Variants in KIAA1217 observed in about 807,000 individuals in gnomAD.
KIAA1217 encodes sickle tail protein homolog.
A neutral mutation model predicts 163.9 loss-of-function variants in KIAA1217; 88 were observed. That is an observed-to-expected ratio of 0.54 (90% CI 0.45 to 0.64). The LOEUF (loss-of-function observed/expected upper bound fraction) is 0.64, where lower values mean the gene tolerates loss of function less well. Among genes scored for constraint, KIAA1217 ranks in the 30% least tolerant of loss-of-function variants. KIAA1217 has a pLI of 0.00. For synonymous variants in KIAA1217, 903 were observed against 923.1 expected (o/e 0.98, Z 0.39); for missense variants, 2,372 against 2,475.0 (o/e 0.96, Z 0.88).
At chr10:24,457,358 G>A (rs1354487341) in intron 5 of KIAA1217, among the ~76,000 whole-genome samples, 2 of 151,726 alleles carry the variant, frequency 1.3e-5, no homozygotes, top group South Asian at 4.2e-4. Flanking sequence ...GTGTGTGTGT[G>A]TGTGTATGTG....
chr10:24,057,728 A>G (rs1356790588), intron 2 of KIAA1217, among the ~76,000 whole-genome samples: 1 of 152,124 alleles, frequency 6.6e-6, no homozygotes, highest in African/African-American at 2.4e-5. Flanking sequence ...TCAAATTCTT[A>G]GCCCATTTTT....
At chr10:23,918,746 A>AC (rs1842728547) in intron 1 of KIAA1217, among the ~76,000 whole-genome samples, 1 of 151,954 alleles carries the variant, frequency 6.6e-6, no homozygotes, top group African/African-American at 2.4e-5. Context: ...ACACACACAC[A>AC]CACACACACA....
chr10:23,962,026 C>G (rs763933230), intron 1 of KIAA1217, among the ~76,000 whole-genome samples: 10 of 152,184 alleles, frequency 6.6e-5, no homozygotes, highest in Non-Finnish European at 1.3e-4. Context: ...TCTCCAAATA[C>G]AGTCATATTC....
chr10:24,247,252 T>C (rs2073929310), intron 2 of KIAA1217, among the ~76,000 whole-genome samples: 1 of 152,034 alleles, frequency 6.6e-6, no homozygotes, highest in Non-Finnish European at 1.5e-5. Flanking sequence ...TTGTACAGAT[T>C]GTTTCATCAC....
chr10:24,307,659 G>T (rs2042158827), intron 2 of KIAA1217, among the ~76,000 whole-genome samples: 1 of 151,934 alleles, frequency 6.6e-6, no homozygotes, highest in South Asian at 2.1e-4. Context: ...CAACATGCCT[G>T]TAGTCCCAGC....
chr10:24,280,034 T>A (rs2077733207), intron 2 of KIAA1217, among the ~76,000 whole-genome samples: 1 of 152,218 alleles, frequency 6.6e-6, no homozygotes, highest in Non-Finnish European at 1.5e-5. Flanking sequence ...TTATCTTTTT[T>A]AATGGGATGG....
chr10:24,099,995 T>A (rs1161607379), intron 2 of KIAA1217, among the ~76,000 whole-genome samples: 1 of 152,164 alleles, frequency 6.6e-6, no homozygotes, highest in African/African-American at 2.4e-5. Context: ...GCCAATAATA[T>A]TCCACCTGAT....
At chr10:24,520,627 CAAAAAAAA>C (rs71472812) in intron 11 of KIAA1217, among the ~76,000 whole-genome samples, 62 of 44,936 alleles carry the variant, frequency 1.4e-3, no homozygotes, top group Admixed American at 2.0e-3. Context: ...ACATCTCTAC[CAAAAAAAA>C]AAAAAAAAAA....
intron 7 of KIAA1217, among the ~76,000 whole-genome samples, chr10:24,494,813 T>C (rs968559044): frequency 2.0e-5 from 3 of 152,152 alleles, no homozygotes; most frequent in African/African-American, 7.2e-5. Flanking sequence ...TGGTCGAAAG[T>C]AACACTTTGG....
intron 1 of KIAA1217, among the ~76,000 whole-genome samples, chr10:23,706,203 T>C (rs753346969): frequency 6.6e-6 from 1 of 152,182 alleles, no homozygotes; most frequent in Non-Finnish European, 1.5e-5. Flanking sequence ...CATCTGTGAA[T>C]AGACAGTTTT....
intron 3 of KIAA1217, among the ~76,000 whole-genome samples, chr10:24,390,006 G>A (rs1402347990): frequency 1.3e-5 from 2 of 152,136 alleles, no homozygotes; most frequent in East Asian, 1.9e-4. Context: ...CACCTGACCA[G>A]AGTTTAAGGA....
chr10:23,848,508 A>C (rs546547293), intron 1 of KIAA1217, among the ~76,000 whole-genome samples: 37 of 152,160 alleles, frequency 2.4e-4, no homozygotes, highest in African/African-American at 8.2e-4. Context: ...CCTTTAAAGG[A>C]ATCTCAAAAT....
intron 1 of KIAA1217, among the ~76,000 whole-genome samples, chr10:23,916,136 C>A (rs188351201): frequency 1.3e-5 from 2 of 152,228 alleles, no homozygotes; most frequent in East Asian, 3.9e-4. Flanking sequence ...TGTCTTCTTG[C>A]CCTATTCCAA....
intron 1 of KIAA1217, among the ~76,000 whole-genome samples, chr10:24,212,814 G>C (rs1339040605): frequency 1.3e-5 from 2 of 152,040 alleles, no homozygotes; most frequent in Admixed American, 6.6e-5. Flanking sequence ...ATTTATTCAC[G>C]TTTGCATTTC....
intron 2 of KIAA1217, among the ~76,000 whole-genome samples, chr10:24,198,864 A>G (rs902875252): frequency 6.6e-6 from 1 of 152,128 alleles, no homozygotes; most frequent in African/African-American, 2.4e-5. Context: ...GGATGAATTG[A>G]TCATCTTTGG....
chr10:24,436,149 C>T (rs116695716), intron 4 of KIAA1217, among the ~76,000 whole-genome samples: 1,907 of 152,232 alleles, frequency 0.013, 30 homozygotes, highest in African/African-American at 0.044. Flanking sequence ...GCGTGACCCA[C>T]TGCTCCCAGC....
intron 2 of KIAA1217, among the ~76,000 whole-genome samples, chr10:24,028,903 T>TA (rs1400190650): frequency 2.0e-5 from 3 of 152,240 alleles, no homozygotes; most frequent in South Asian, 2.1e-4. Flanking sequence ...TGCTTTAACC[T>TA]AAAAAAATTC....
chr10:23,738,885 C>T (rs994399823), intron 1 of KIAA1217, among the ~76,000 whole-genome samples: 2 of 152,088 alleles, frequency 1.3e-5, no homozygotes, highest in East Asian at 3.9e-4. Flanking sequence ...ATAGGGAATA[C>T]ACATACAAAT....
chr10:24,240,642 A>G (rs1381067820), intron 2 of KIAA1217, among the ~76,000 whole-genome samples: 1 of 152,194 alleles, frequency 6.6e-6, no homozygotes, highest in Non-Finnish European at 1.5e-5. Context: ...CTCAGTCATC[A>G]TGTCCATAAA....
Sources: gnomAD v4.1 joint callset for allele counts (sites outside exome capture counted in the v4.1 genomes callset) on GRCh38, gnomAD v4.1.1 for gene constraint, MANE v1.5 for transcripts, NCBI Gene and HGNC (gene_info 2026-07-23, HGNC 2026-07-21) for gene names.